Variants in GPAT4 observed in about 807,000 individuals in gnomAD.
GPAT4 encodes the protein glycerol-3-phosphate acyltransferase 4.
A neutral mutation model predicts 58.0 loss-of-function variants in GPAT4; 17 were observed. That is an observed-to-expected ratio of 0.29 (90% CI 0.20 to 0.44). The LOEUF (loss-of-function observed/expected upper bound fraction) is 0.44, where lower values mean the gene tolerates loss of function less well. Among genes scored for constraint, GPAT4 ranks in the 20% least tolerant of loss-of-function variants. The probability of loss-of-function intolerance (pLI) is 1.00; values close to 1 mark genes in which losing one functional copy is unlikely to be tolerated. For synonymous variants in GPAT4, 204 were observed against 210.1 expected (o/e 0.97, Z 0.25); for missense variants, 377 against 574.5 (o/e 0.66, Z 3.51).
chr8:41,589,604 G>T (rs1802739306), intron 1 of GPAT4, among the ~76,000 whole-genome samples: 1 of 152,208 alleles, frequency 6.6e-6, no homozygotes, highest in Admixed American at 6.5e-5. Context: ...TTGTGAAAAA[G>T]ACTGTAGCCA....
chr8:41,586,946 T>C (rs980274710), intron 1 of GPAT4, among the ~76,000 whole-genome samples: 2 of 152,212 alleles, frequency 1.3e-5, no homozygotes, highest in East Asian at 3.9e-4. Context: ...TCATCTGGGC[T>C]GAGGCCCAGA....
intron 1 of GPAT4, among the ~76,000 whole-genome samples, chr8:41,594,695 G>A (rs972450300): frequency 3.3e-5 from 5 of 151,782 alleles, no homozygotes; most frequent in Admixed American, 1.3e-4. Context: ...ACAGGCGCCC[G>A]CCACCACACC....
chr8:41,585,740 G>A (rs929057839), intron 1 of GPAT4, among the ~76,000 whole-genome samples: 7 of 152,208 alleles, frequency 4.6e-5, no homozygotes, highest in African/African-American at 1.7e-4. Context: ...TAGCTTGTCT[G>A]ATTCCCTGTA....
At chr8:41,611,224 C>T (rs1374541949) in intron 5 of GPAT4, among the ~76,000 whole-genome samples, 2 of 152,194 alleles carry the variant, frequency 1.3e-5, no homozygotes, top group Non-Finnish European at 2.9e-5. Flanking sequence ...GACTCCATCT[C>T]AAATAATAAT....
intron 1 of GPAT4, among the ~76,000 whole-genome samples, chr8:41,580,377 T>C (rs1443210099): frequency 6.6e-6 from 1 of 152,220 alleles, no homozygotes; most frequent in Non-Finnish European, 1.5e-5. Flanking sequence ...AATAGCATCA[T>C]CTCAGAAAGC....
chr8:41,580,724 T>TA (rs1585643315), intron 1 of GPAT4, among the ~76,000 whole-genome samples: 1 of 152,218 alleles, frequency 6.6e-6, no homozygotes, highest in East Asian at 1.9e-4. Flanking sequence ...CAATAGTTGT[T>TA]ATGCATGTCC....
chr8:41,598,185 A>G (rs1238484243), intron 1 of GPAT4, 107 bp from the exon 2 acceptor site: 2 of 152,132 alleles, frequency 1.3e-5, no homozygotes, highest in African/African-American at 4.8e-5. Flanking sequence ...CATTGACCAC[A>G]CTGACAGTTT....
rs531482025 is a variant in GPAT4, at chr8:41,618,109, G to A, written c.1054-575G>A. Among the ~76,000 whole-genome samples the A allele has an allele frequency of 4.6e-5, 7 of 152,340 alleles. No homozygotes were observed. In the South Asian group the frequency reaches 1.0e-3, roughly 23 times the overall value. On this transcript the variant is annotated intron_variant, in intron 10 of 12. Coordinates refer to ENST00000396987, the MANE Select transcript of GPAT4 (RefSeq NM_178819.4). The stretch of plus-strand genomic sequence containing the variant: ...AGGCTGTCAGCGTGAGCACAGAGCC[G>A]CCTCCTGAACAGACGACTGACTTTG...
intron 1 of GPAT4, among the ~76,000 whole-genome samples, chr8:41,596,424 C>T (rs1400245156): frequency 6.6e-6 from 1 of 152,236 alleles, no homozygotes; most frequent in Non-Finnish European, 1.5e-5. Context: ...GCCAAAGTAC[C>T]CGTACAGCCA....
At chr8:41,583,595 A>T (rs1802580385) in intron 1 of GPAT4, among the ~76,000 whole-genome samples, 1 of 152,162 alleles carries the variant, frequency 6.6e-6, no homozygotes, top group African/African-American at 2.4e-5. Flanking sequence ...CATTTTTTTC[A>T]TGCTAAGTCA....
chr8:41,586,111 A>G (rs2150481585), intron 1 of GPAT4, among the ~76,000 whole-genome samples: 1 of 152,316 alleles, frequency 6.6e-6, no homozygotes, highest in East Asian at 1.9e-4. Flanking sequence ...GCCAGCTCTA[A>G]AGTAACCAAC....
chr8:41,610,214 G>A, intron 4 of GPAT4: 7 of 1,343,436 alleles, frequency 5.2e-6, no homozygotes, highest in Non-Finnish European at 6.7e-6. Flanking sequence ...CAGGGACAGG[G>A]AACATTGTGT....
intron 2 of GPAT4, among the ~76,000 whole-genome samples, chr8:41,607,475 T>A (rs1367446108): frequency 1.3e-5 from 2 of 152,138 alleles, no homozygotes; most frequent in Non-Finnish European, 2.9e-5. Context: ...TTATGTCATA[T>A]ATTCTCTGCC....
intron 1 of GPAT4, among the ~76,000 whole-genome samples, chr8:41,589,359 G>A (rs974437657): frequency 7.7e-6 from 1 of 129,916 alleles, no homozygotes; most frequent in Non-Finnish European, 1.7e-5. Context: ...GTGGGGTGTG[G>A]CGGGATGGGA....
chr8:41,585,515 C>T (rs944430261), intron 1 of GPAT4, among the ~76,000 whole-genome samples: 5 of 152,132 alleles, frequency 3.3e-5, no homozygotes, highest in Non-Finnish European at 7.3e-5. Flanking sequence ...TTATTGCCTC[C>T]AGCTTTATGG....
chr8:41,613,921 A>G (rs528786465), intron 8 of GPAT4, among the ~76,000 whole-genome samples: 6 of 152,358 alleles, frequency 3.9e-5, no homozygotes, highest in African/African-American at 1.2e-4. Flanking sequence ...GTCTCAAAAA[A>G]TAACACATAA....
intron 2 of GPAT4, among the ~76,000 whole-genome samples, chr8:41,608,359 G>T (rs1204629949): frequency 6.6e-6 from 1 of 152,374 alleles, no homozygotes; most frequent in South Asian, 2.1e-4. Flanking sequence ...TGCCCACTGT[G>T]CATAACCGTG....
At chr8:41,614,030 G>A (rs1395999317) in intron 8 of GPAT4, among the ~76,000 whole-genome samples, 1 of 152,198 alleles carries the variant, frequency 6.6e-6, no homozygotes, top group Non-Finnish European at 1.5e-5. Context: ...AGCAGGGCTG[G>A]GCCCAGCCTC....
intron 2 of GPAT4, among the ~76,000 whole-genome samples, chr8:41,607,425 T>G (rs1411759138): frequency 6.6e-6 from 1 of 152,216 alleles, no homozygotes; most frequent in Non-Finnish European, 1.5e-5. Context: ...ATTTTGCACA[T>G]TGAAACAATC....
Sources: gnomAD v4.1 joint callset for allele counts (sites outside exome capture counted in the v4.1 genomes callset) on GRCh38, gnomAD v4.1.1 for gene constraint, MANE v1.5 for transcripts, NCBI Gene and HGNC (gene_info 2026-07-23, HGNC 2026-07-21) for gene names.